ARMC9: variants seen among roughly 807,000 people sequenced by gnomAD.
ARMC9 encodes armadillo repeat containing 9.
In ARMC9, 94 loss-of-function variants were observed where a neutral mutation model predicts 107.0. The observed-to-expected ratio is 0.88, with a 90% CI of 0.74 to 1.04. The LOEUF is 1.04. Ranked by LOEUF, ARMC9 falls within the 50% of genes least tolerant of loss-of-function variation. ARMC9 has a pLI of 0.00. For synonymous variants in ARMC9, 380 were observed against 396.9 expected (o/e 0.96, Z 0.51); for missense variants, 942 against 1,030.1 (o/e 0.91, Z 1.17).
At chr2:231,308,266 A>G (rs2042142501) in intron 19 of ARMC9, among the ~76,000 whole-genome samples, 1 of 152,162 alleles carries the variant, frequency 6.6e-6, no homozygotes, top group Admixed American at 6.5e-5. Context: ...TATTCCCCTC[A>G]CCCTTCTGCC....
chr2:231,360,827 G>A lies in ARMC9; in HGVS notation c.2205G>A (p.Gly735=). 1 of 1,535,992 alleles carries A rather than the reference G, an allele frequency of 6.5e-7. No individual in the cohort carries two copies. Among genetic ancestry groups the A allele is most frequent in the Non-Finnish European group, 8.7e-7 (1 of 1,146,852 alleles). The change falls in exon 23 of 25, where the codon GGG becomes GGA. Residue 735 remains glycine, a synonymous_variant. Transcript: ENST00000611582. This position sits in a 1 kb window ranked among gnomAD's most constrained non-coding sequence, Gnocchi z 4.7. The part of the protein sequence containing the change: ...RQEEPRPAPT[G]TPRQPREAPQ... The stretch of plus-strand genomic sequence containing the variant: ...AAGAGCCTCGCCCAGCCCCCACGGG[G>A]ACCCCCCGCCAGCCAAGGGAGGCGC...
chr2:231,256,706 C>A, intron 10 of ARMC9, 86 bp downstream of exon 10: 1 of 1,422,320 alleles, frequency 7.0e-7, no homozygotes, highest in African/African-American at 1.4e-5. Flanking sequence ...AAACACTTAG[C>A]AGCCTAGGTT....
chr2:231,238,273 A>G (rs2035958211), intron 8 of ARMC9, among the ~76,000 whole-genome samples: 1 of 152,218 alleles, frequency 6.6e-6, no homozygotes, highest in Non-Finnish European at 1.5e-5. Flanking sequence ...TATGAAATAT[A>G]TGTGAACATG....
chr2:231,229,002 G>A (rs2034948441), intron 7 of ARMC9, among the ~76,000 whole-genome samples: 1 of 151,672 alleles, frequency 6.6e-6, no homozygotes, highest in Admixed American at 6.6e-5. Context: ...TAAAAGAATT[G>A]TCTTTCTCTA....
chr2:231,275,220 C>T (rs2039657740), intron 14 of ARMC9, among the ~76,000 whole-genome samples: 1 of 151,998 alleles, frequency 6.6e-6, no homozygotes, highest in Non-Finnish European at 1.5e-5. Context: ...AATAAGCCAC[C>T]CTGATTGGGT....
In ARMC9 at chr2:231,276,641, C is replaced by G. The variant is rs778877264; in HGVS notation, c.1340C>G (p.Pro447Arg). Reference sequence around the variant, plus strand: ...CGTAGGCTCTTTCTTCCCAGGCGCCCGCTGCAGACAGCGATGATTCAAGAC... The same window carrying G: ...CGTAGGCTCTTTCTTCCCAGGCGCCGGCTGCAGACAGCGATGATTCAAGAC... ...GALQKFSLRR[P>R]LQTAMIQDGL... Residue 447 changes from proline (P) to arginine (R), a missense_variant, in exon 15 of 25, where the codon CCG (proline) becomes CGG (arginine). Pro to Arg is a moderately radical substitution (Grantham distance 103). Coordinates refer to ENST00000611582, the MANE Select transcript of ARMC9 (RefSeq NM_001352754.2). The G allele has an allele frequency of 6.2e-7, 1 of 1,614,118 alleles. No homozygotes were observed. The highest frequency in any genetic ancestry group is 8.5e-7 in the Non-Finnish European group (1 of 1,180,024).
chr2:231,236,473 A>T (rs2035727647), intron 8 of ARMC9, among the ~76,000 whole-genome samples: 1 of 152,210 alleles, frequency 6.6e-6, no homozygotes, highest in Admixed American at 6.5e-5. Context: ...TTAAAAATTG[A>T]AGTAACTGTA....
chr2:231,269,173 C>T (rs544209717), intron 12 of ARMC9, among the ~76,000 whole-genome samples: 50 of 152,178 alleles, frequency 3.3e-4, no homozygotes, highest in South Asian at 6.2e-4. Flanking sequence ...TTCCCATTGA[C>T]GTCCTTCATG....
intron 19 of ARMC9, among the ~76,000 whole-genome samples, chr2:231,312,548 C>T (rs76959279): frequency 3.3e-5 from 5 of 151,232 alleles, no homozygotes; most frequent in Admixed American, 6.6e-5. Flanking sequence ...CCGAACAAAC[C>T]GTTTGAAGAT....
Position 231,208,110 on chromosome 2 carries a change from T to C in ARMC9, c.52-17T>C. On this transcript the variant is annotated splice_polypyrimidine_tract_variant and intron_variant, in intron 2 of 24. Transcript: ENST00000611582. Reference sequence around the variant, plus strand: ...TTGTTTGTTTTGCTGTTGAATTGAATTATTTATTTTTTATAGTATTTAGAT... The same window carrying C: ...TTGTTTGTTTTGCTGTTGAATTGAACTATTTATTTTTTATAGTATTTAGAT... 9.0e-7 allele frequency: 1 copy of C among 1,105,510 alleles called. No homozygotes were observed. Among genetic ancestry groups the C allele is most frequent in the Non-Finnish European group, 1.3e-6 (1 of 751,510 alleles). 68.5% of individuals were successfully genotyped at this position (1,105,510 alleles called of 1,614,324 possible). A position where few individuals can be genotyped will look rare whatever the true frequency, so the allele number is the denominator to read the frequency against.
intron 17 of ARMC9, among the ~76,000 whole-genome samples, chr2:231,285,703 A>G (rs971497096): frequency 6.6e-6 from 1 of 152,074 alleles, no homozygotes; most frequent in African/African-American, 2.4e-5. Context: ...CAGAGATTAA[A>G]GATATAAGCC....
chr2:231,291,808 C>A (rs1401369702), intron 18 of ARMC9, among the ~76,000 whole-genome samples: 9 of 149,334 alleles, frequency 6.0e-5, no homozygotes, highest in Admixed American at 1.3e-4. Flanking sequence ...GAGCGAGACT[C>A]CATCTCAAAA....
chr2:231,222,220 C>A lies in ARMC9; in HGVS notation c.505-508C>A, dbSNP rs142990287. On this transcript the variant is annotated intron_variant, in intron 5 of 24. Coordinates refer to ENST00000611582, the MANE Select transcript of ARMC9 (RefSeq NM_001352754.2). ...AATAATTTGTTTTTAAAGGACAAAT[C>A]ATGCTAAGACTATATCATAATTCTT... Among the ~76,000 whole-genome samples the A allele has an allele frequency of 2.7e-3, 407 of 152,252 alleles. 4 individuals carry two copies. The highest frequency in any genetic ancestry group is 9.3e-3 in the African/African-American group (388 of 41,538).
Position 231,360,352 on chromosome 2 carries a change from C to G in ARMC9, c.2132-402C>G, listed in dbSNP as rs1422867770. 6.7e-6 allele frequency among the ~76,000 whole-genome samples: 1 copy of G among 150,066 alleles called. No homozygotes were observed. Among genetic ancestry groups the G allele is most frequent in the African/African-American group, 2.5e-5 (1 of 39,404 alleles). On this transcript the variant is annotated intron_variant, in intron 22 of 24. Coordinates refer to ENST00000611582, the MANE Select transcript of ARMC9 (RefSeq NM_001352754.2). This position sits in a 1 kb window ranked among gnomAD's most constrained non-coding sequence, Gnocchi z 4.7. ...CTACCTCTCAGGTTGTTGGTTTTAG[C>G]AAATAAAACTACACACCACCCAGTT...
At chr2:231,301,752 G>A (rs1363552567) in intron 19 of ARMC9, among the ~76,000 whole-genome samples, 2 of 152,096 alleles carry the variant, frequency 1.3e-5, no homozygotes, top group South Asian at 2.1e-4. Flanking sequence ...GCCAAAACAG[G>A]CACATCACCT....
intron 19 of ARMC9, among the ~76,000 whole-genome samples, chr2:231,304,703 G>T (rs183710911): frequency 1.3e-5 from 2 of 152,198 alleles, no homozygotes; most frequent in African/African-American, 4.8e-5. Flanking sequence ...AGCCCCAAAT[G>T]TTGATACATT....
chr2:231,207,402 C>T (rs2032175325), intron 2 of ARMC9, among the ~76,000 whole-genome samples: 2 of 152,216 alleles, frequency 1.3e-5, no homozygotes, highest in Non-Finnish European at 2.9e-5. Flanking sequence ...TCAAGCGATC[C>T]TCCTACCTCA....
intron 23 of ARMC9, among the ~76,000 whole-genome samples, chr2:231,368,548 C>A (rs1228991391): frequency 6.6e-6 from 1 of 152,206 alleles, no homozygotes. Context: ...GTAACTGTAC[C>A]CACAAGTAAG....
chr2:231,302,694 A>G (rs1029274176), intron 19 of ARMC9, among the ~76,000 whole-genome samples: 1 of 152,158 alleles, frequency 6.6e-6, no homozygotes, highest in Non-Finnish European at 1.5e-5. Flanking sequence ...GTGGAATTAG[A>G]AACCAATTTT....
Sources: gnomAD v4.1 joint callset for allele counts (sites outside exome capture counted in the v4.1 genomes callset) on GRCh38, gnomAD v4.1.1 for gene constraint, Gnocchi (gnomAD v3.1) non-coding constraint, MANE v1.5 for transcripts, NCBI Gene and HGNC (gene_info 2026-07-23, HGNC 2026-07-21) for gene names.